Variants in PRTG observed in about 807,000 individuals in gnomAD.
The protein encoded by PRTG is protogenin.
Under a neutral mutation model 122.5 loss-of-function variants are expected in PRTG, and 67 were observed. The observed-to-expected ratio is 0.55, with a 90% CI of 0.45 to 0.67. PRTG has a LOEUF of 0.67. PRTG is among the 30% of genes least tolerant of loss of function. The pLI is 0.00. For synonymous variants in PRTG, 554 were observed against 501.1 expected, an observed-to-expected ratio of 1.11 and a Z score of -1.41; for missense variants, 1,435 against 1,415.4, an observed-to-expected ratio of 1.01 and a Z score of -0.22.
chr15:55,722,289 T>A (rs2030854617), intron 2 of PRTG, among the ~76,000 whole-genome samples: 1 of 152,254 alleles, frequency 6.6e-6, no homozygotes, highest in Non-Finnish European at 1.5e-5. Context: ...TATACTGTTT[T>A]AATAATTATT....
chr15:55,708,697 T>C (rs1053050040), intron 2 of PRTG, among the ~76,000 whole-genome samples: 18 of 152,344 alleles, frequency 1.2e-4, no homozygotes, highest in Middle Eastern at 3.4e-3. Flanking sequence ...AATTAGCTTC[T>C]AGTACATTTT....
At chr15:55,682,339 A>G (rs2059543476) in intron 4 of PRTG, 25 bp downstream of exon 4, 1 of 1,536,466 alleles carries the variant, frequency 6.5e-7, no homozygotes, top group East Asian at 2.4e-5. Flanking sequence ...CGTCATAAAA[A>G]TGGAAAAACC....
chr15:55,656,436 T>C, intron 11 of PRTG: 1 of 429,810 alleles, frequency 2.3e-6, no homozygotes, highest in Middle Eastern at 3.8e-4. Context: ...ATAAAAAATC[T>C]ATAATCTATA....
chr15:55,653,463 A>AT (rs66982054), intron 11 of PRTG, among the ~76,000 whole-genome samples: 357 of 141,482 alleles, frequency 2.5e-3, no homozygotes, highest in African/African-American at 4.1e-3. Flanking sequence ...GATCATCTCT[A>AT]TTTTTTTTTT....
At chr15:55,621,184 T>C (rs1170928811) in intron 18 of PRTG, among the ~76,000 whole-genome samples, 1 of 152,088 alleles carries the variant, frequency 6.6e-6, no homozygotes, top group East Asian at 1.9e-4. Context: ...AAACCCCGTC[T>C]CTACTAAAAA....
At chr15:55,692,362 G>C (rs1366877017) in intron 2 of PRTG, among the ~76,000 whole-genome samples, 2 of 152,146 alleles carry the variant, frequency 1.3e-5, no homozygotes, top group African/African-American at 4.8e-5. Flanking sequence ...AACAAAGAGA[G>C]GGCGCACAAA....
At chr15:55,628,771 G>A (rs1304559585) in intron 16 of PRTG, 51 bp downstream of exon 16, 16 of 1,433,452 alleles carry the variant, frequency 1.1e-5, no homozygotes, top group Admixed American at 2.0e-5. Context: ...GTGTAAGGAA[G>A]AACACTTTTT....
intron 11 of PRTG, among the ~76,000 whole-genome samples, chr15:55,641,902 C>T (rs889576910): frequency 7.2e-5 from 11 of 152,054 alleles, no homozygotes; most frequent in African/African-American, 1.2e-4. Flanking sequence ...AGGCCGGGCG[C>T]GGTGGCTCAC....
intron 15 of PRTG, among the ~76,000 whole-genome samples, chr15:55,630,990 G>A (rs180735585): frequency 1.3e-4 from 20 of 152,264 alleles, no homozygotes; most frequent in Non-Finnish European, 1.8e-4. Context: ...TGAAACATGG[G>A]GTGATCATAA....
intron 11 of PRTG, among the ~76,000 whole-genome samples, chr15:55,642,002 G>A (rs2059293422): frequency 1.3e-5 from 2 of 150,140 alleles, no homozygotes; most frequent in African/African-American, 4.9e-5. Flanking sequence ...GTGAAACCCC[G>A]TCTCTACTAA....
chr15:55,742,807 G>A (rs1378909528), intron 1 of PRTG, 31 bp downstream of exon 1: 13 of 1,540,122 alleles, frequency 8.4e-6, no homozygotes, highest in Non-Finnish European at 1.1e-5. Context: ...GCCCCACAGC[G>A]GTAAGAGAAA....
At position 55,740,462 on chromosome 15, in the gene PRTG, G is replaced by A; in HGVS notation, c.317C>T (p.Ser106Phe). 1 of 1,614,092 alleles carries A rather than the reference G, an allele frequency of 6.2e-7. No individual in the cohort carries two copies. The highest frequency in any genetic ancestry group is 1.6e-4 in the Middle Eastern group (1 of 6,062). The change falls in exon 2 of 20, where the codon TCC becomes TTC. Residue 106 changes from serine (S) to phenylalanine (F), a missense_variant. Ser to Phe is a radical substitution (Grantham distance 155). Transcript: ENST00000389286. ...SEVEGRRGEQ[S>F]DEGFYQCLAM... ...CAAGCACTGATAAAATCCTTCATCGGACTGCTCTCCTCGCCTGCCTTCCAC... is the reference window on the plus strand; with the variant it reads ...CAAGCACTGATAAAATCCTTCATCGAACTGCTCTCCTCGCCTGCCTTCCAC...
chr15:55,638,974 A>G (rs1465551505), intron 13 of PRTG, among the ~76,000 whole-genome samples: 1 of 151,908 alleles, frequency 6.6e-6, no homozygotes, highest in East Asian at 1.9e-4. Context: ...TCATTCATTC[A>G]TTCATTCATT....
chr15:55,638,741 G>A (rs996052979), intron 13 of PRTG, 65 bp from the exon 14 acceptor site: 3 of 1,430,306 alleles, frequency 2.1e-6, no homozygotes, highest in Non-Finnish European at 2.9e-6. Flanking sequence ...AAGAATGTCA[G>A]CATTTCCAAA....
rs919833654 is a variant in PRTG at position 55,617,632 on chromosome 15, CA to C, written c.*2379del. 1 of 152,040 alleles carries C rather than the reference CA, an allele frequency of 6.6e-6. No homozygotes were observed. Among genetic ancestry groups the C allele is most frequent in the Non-Finnish European group, 1.5e-5 (1 of 67,990 alleles). 9.4% of individuals were successfully genotyped at this position (152,040 alleles called of 1,614,324 possible). On this transcript the variant is annotated 3_prime_UTR_variant, in exon 20 of 20. Transcript: ENST00000389286. ...AAAAAATGTACTGTTAAATAATTAT[CA>C]AATAGTTATAGCCTAAAGTTCTATT...
rs138818160 is a variant in PRTG, at chr15:55,696,291, A to G, written c.398-12360T>C. On this transcript the variant is annotated intron_variant, in intron 2 of 19. Coordinates refer to ENST00000389286, the MANE Select transcript of PRTG (RefSeq NM_173814.6). ...AAAAGAACACGGGGAAATTTCTAAC[A>G]CAACTCTCAAGCATCCACAATTTCA... Among the ~76,000 whole-genome samples, 242 of 152,306 alleles carry G rather than the reference A, an allele frequency of 1.6e-3. 2 individuals carry two copies. Among genetic ancestry groups the G allele is most frequent in the African/African-American group, 5.4e-3 (225 of 41,576 alleles).
intron 11 of PRTG, among the ~76,000 whole-genome samples, chr15:55,646,361 C>G (rs1000857774): frequency 6.7e-6 from 1 of 148,762 alleles, no homozygotes; most frequent in Non-Finnish European, 1.5e-5. Flanking sequence ...CTTGCTCTGT[C>G]GCCCAGGATG....
intron 2 of PRTG, among the ~76,000 whole-genome samples, chr15:55,739,263 A>ATT (rs754596379): frequency 4.4e-4 from 63 of 143,520 alleles, no homozygotes; most frequent in East Asian, 1.7e-3. Flanking sequence ...GTGGTTTTGT[A>ATT]TTTTTTTTTT....
At chr15:55,680,025 C>G (rs1214923323) in intron 6 of PRTG, 29 bp downstream of exon 6, 1 of 1,582,090 alleles carries the variant, frequency 6.3e-7, no homozygotes, top group Admixed American at 1.7e-5. Flanking sequence ...ATGTAAGATT[C>G]CCCTGATTGC....
Sources: allele counts gnomAD v4.1 joint callset (sites outside exome capture counted in the v4.1 genomes callset), GRCh38; gene constraint gnomAD v4.1.1; transcripts MANE v1.5; gene names NCBI Gene and HGNC (gene_info 2026-07-23, HGNC 2026-07-21).